The following TWIST2 variants were observed in gnomAD, a reference collection of about 807,000 sequenced individuals.
TWIST2 encodes twist-related protein 2.
A neutral mutation model predicts 11.6 loss-of-function variants in TWIST2; 1 was observed. The ratio of observed to expected loss-of-function variants is 0.09; its 90% CI spans 0.03 to 0.41. TWIST2 has a LOEUF of 0.41. TWIST2 is among the 10% of genes least tolerant of loss of function. TWIST2 has a pLI of 0.98. For missense variants in TWIST2, 168 were observed against 226.4 expected, an observed-to-expected ratio of 0.74 and a Z score of 1.66; for synonymous variants, 87 against 96.6, an observed-to-expected ratio of 0.90 and a Z score of 0.58.
At chr2:238,891,619 G>C (rs939394671) in intron 1 of TWIST2, among the ~76,000 whole-genome samples, 2 of 152,156 alleles carry the variant, frequency 1.3e-5, no homozygotes, top group African/African-American at 4.8e-5. Context: ...TTTCCCCCAG[G>C]AGGAGGCCGA....
rs1484546519 is a variant in TWIST2 at position 238,863,475 on chromosome 2, G to C, written c.*35+14742G>C. On this transcript the variant is annotated intron_variant, in intron 1 of 1. Transcript: ENST00000612363. This position sits in a 1 kb window ranked among gnomAD's most constrained non-coding sequence, Gnocchi z 4.7. ...GCGACGTCCTTTGGCAGTGAGGGCT[G>C]TGCGGTTTCAGCTCTCCTGGCTGGC... 6.6e-6 allele frequency among the ~76,000 whole-genome samples: 1 copy of C among 152,210 alleles called. No homozygotes were observed. The highest frequency in any genetic ancestry group is 2.4e-5 in the African/African-American group (1 of 41,446).
Position 238,872,726 on chromosome 2 carries a change from A to G in TWIST2, c.*35+23993A>G, listed in dbSNP as rs370229192. On this transcript the variant is annotated intron_variant, in intron 1 of 1. Transcript: ENST00000612363. The stretch of plus-strand genomic sequence containing the variant: ...ACGGAGCAGGTACAGTTGCCACTAA[A>G]CCCCTGGCACCAGGACGATTTACTG... Among the ~76,000 whole-genome samples, 68 of 152,206 alleles carry G rather than the reference A, an allele frequency of 4.5e-4. 1 individual carries two copies. The East Asian group carries it at 0.011, about 25-fold the overall frequency.
intron 1 of TWIST2, among the ~76,000 whole-genome samples, chr2:238,907,707 GCACACAATACA>G (rs1693376342): frequency 6.6e-6 from 1 of 150,960 alleles, no homozygotes. Flanking sequence ...ACACACAAAT[GCACACAATACA>G]CACACAAACA....
At chr2:238,862,677 G>A (rs1692455410) in intron 1 of TWIST2, among the ~76,000 whole-genome samples, 2 of 152,208 alleles carry the variant, frequency 1.3e-5, no homozygotes, top group Non-Finnish European at 2.9e-5. Flanking sequence ...AATACCCTTT[G>A]CATGAACAAT....
At chr2:238,882,882 G>C (rs1692962715) in intron 1 of TWIST2, among the ~76,000 whole-genome samples, 1 of 152,182 alleles carries the variant, frequency 6.6e-6, no homozygotes, top group African/African-American at 2.4e-5. Context: ...GGGGCAGTCA[G>C]AGCTGAGGGG....
chr2:238,890,865 GA>G (rs1693118460), intron 1 of TWIST2, among the ~76,000 whole-genome samples: 1 of 152,118 alleles, frequency 6.6e-6, no homozygotes, highest in Non-Finnish European at 1.5e-5. Context: ...TTCCCAGATT[GA>G]AATCGTTCTG....
At chr2:238,852,242 T>G (rs1002699548) in intron 1 of TWIST2, among the ~76,000 whole-genome samples, 8 of 152,240 alleles carry the variant, frequency 5.3e-5, no homozygotes, top group Non-Finnish European at 1.2e-4. Context: ...AACAAATATT[T>G]TAATAAGCCA....
intron 1 of TWIST2, among the ~76,000 whole-genome samples, chr2:238,850,179 A>G (rs1692219843): frequency 6.6e-6 from 1 of 152,214 alleles, no homozygotes; most frequent in Non-Finnish European, 1.5e-5. Flanking sequence ...AGATAATGAT[A>G]ATTGTATAGT....
chr2:238,895,029 G>C lies in TWIST2; in HGVS notation c.*36-14813G>C, dbSNP rs918203202. Among the ~76,000 whole-genome samples the C allele has an allele frequency of 1.2e-3, 178 of 152,282 alleles. 1 individual carries two copies. The highest frequency in any genetic ancestry group is 1.7e-3 in the Non-Finnish European group (117 of 68,028). ...CCATATGAACTGTGAGCTGGCTGAG[G>C]CACGTGCCTGCGTCAGGCAGAGCGC... On this transcript the variant is annotated intron_variant, in intron 1 of 1. Coordinates refer to ENST00000612363, the MANE Select transcript of TWIST2 (RefSeq NM_001271893.4).
At chr2:238,881,537 G>A (rs1574761111) in intron 1 of TWIST2, among the ~76,000 whole-genome samples, 1 of 152,028 alleles carries the variant, frequency 6.6e-6, no homozygotes, top group Admixed American at 6.6e-5. Context: ...TAGTGTTGGT[G>A]TTAGTATTTA....
At chr2:238,895,647 A>T (rs1041181197) in intron 1 of TWIST2, among the ~76,000 whole-genome samples, 3 of 152,200 alleles carry the variant, frequency 2.0e-5, no homozygotes, top group Admixed American at 1.3e-4. Context: ...CTCCCAGGAC[A>T]CTCATCGTGG....
intron 1 of TWIST2, among the ~76,000 whole-genome samples, chr2:238,904,486 C>CGT (rs1194400059): frequency 2.0e-5 from 3 of 149,652 alleles, no homozygotes; most frequent in African/African-American, 4.9e-5. Context: ...TGTGCGTGTT[C>CGT]GTGTGTGTGT....
Position 238,864,109 on chromosome 2 carries a change from A to G in TWIST2, c.*35+15376A>G, listed in dbSNP as rs1692485114. ...ACGCATATTTCTGGCAAATTCTGGG[A>G]CCACCTTTGCCAGATGACCAAATCC... On this transcript the variant is annotated intron_variant, in intron 1 of 1. Transcript: ENST00000612363. This position sits in a 1 kb window ranked among gnomAD's most constrained non-coding sequence, Gnocchi z 4.7. Among the ~76,000 whole-genome samples, 1 of 152,008 alleles carries G rather than the reference A, an allele frequency of 6.6e-6. No individual in the cohort carries two copies. The highest frequency in any genetic ancestry group is 1.9e-4 in the East Asian group (1 of 5,178).
chr2:238,858,467 A>G (rs969319463), intron 1 of TWIST2, among the ~76,000 whole-genome samples: 2 of 152,196 alleles, frequency 1.3e-5, no homozygotes, highest in South Asian at 4.1e-4. Flanking sequence ...TGCGAGAGGC[A>G]AGCTAGCTCC....
chr2:238,904,644 C>G, intron 1 of TWIST2, among the ~76,000 whole-genome samples: 1 of 152,204 alleles, frequency 6.6e-6, no homozygotes, highest in East Asian at 1.9e-4. Context: ...TCCGTGTCTT[C>G]CCTGTGTTCT....
At chr2:238,902,758 TG>T (rs1693288495) in intron 1 of TWIST2, among the ~76,000 whole-genome samples, 3 of 139,846 alleles carry the variant, frequency 2.1e-5, no homozygotes, top group African/African-American at 8.2e-5. Flanking sequence ...GTGATGGGTA[TG>T]TGCGTGATGT....
chr2:238,894,511 C>G (rs1693184467), intron 1 of TWIST2, among the ~76,000 whole-genome samples: 2 of 152,224 alleles, frequency 1.3e-5, no homozygotes, highest in Admixed American at 1.3e-4. Flanking sequence ...AGCCGCCCTG[C>G]CCAGGCCCCA....
intron 1 of TWIST2, among the ~76,000 whole-genome samples, chr2:238,889,770 T>G (rs1693099899): frequency 6.6e-6 from 1 of 152,224 alleles, no homozygotes; most frequent in Non-Finnish European, 1.5e-5. Flanking sequence ...GCTCTGATAC[T>G]CAGTGCGTTC....
At chr2:238,900,778 G>A (rs1403920965) in intron 1 of TWIST2, among the ~76,000 whole-genome samples, 8 of 152,232 alleles carry the variant, frequency 5.3e-5, no homozygotes, top group South Asian at 2.1e-4. Context: ...TCTGGAAGCC[G>A]TAGGAGGTTG....
Sources: allele counts gnomAD v4.1 joint callset (sites outside exome capture counted in the v4.1 genomes callset), GRCh38; gene constraint gnomAD v4.1.1; non-coding constraint Gnocchi (gnomAD v3.1); transcripts MANE v1.5; gene names NCBI Gene and HGNC (gene_info 2026-07-23, HGNC 2026-07-21).